The following CSMD1 variants were observed in gnomAD, a reference collection of about 807,000 sequenced individuals.
The protein encoded by CSMD1 is CUB and Sushi multiple domains 1, also known as CUB and sushi domain-containing protein 1.
Under a neutral mutation model 417.5 loss-of-function variants are expected in CSMD1, and 213 were observed. The observed-to-expected ratio is 0.51, with a 90% CI of 0.46 to 0.57. The LOEUF is 0.57. Among genes scored for constraint, CSMD1 ranks in the 20% least tolerant of loss-of-function variants. The pLI, the probability that CSMD1 is intolerant of heterozygous loss-of-function variation, is 0.00. For synonymous variants in CSMD1, 2,862 were observed against 1,736.8 expected (o/e 1.65, Z -16.11); for missense variants, 6,923 against 4,529.7 (o/e 1.53, Z -15.17).
intron 5 of CSMD1, among the ~76,000 whole-genome samples, chr8:3,981,500 T>TAAAAAAAAAAAAAA (rs200296436): frequency 4.3e-3 from 497 of 114,870 alleles, no homozygotes; most frequent in Middle Eastern, 0.013. Context: ...TAGAAAAAAG[T>TAAAAAAAAAAAAAA]AAAAAAAAAA....
rs1487242439 is a variant in CSMD1, at chr8:3,493,614, C to T, written c.1448+9G>A. On this transcript the variant is annotated intron_variant, in intron 11 of 69. Coordinates refer to ENST00000635120, the MANE Select transcript of CSMD1 (RefSeq NM_033225.6). ...CATAAGAGAAGAAGAAGCTCAAGGA[C>T]ATACTCACACGTACAAGACCGATCT... 2.5e-6 allele frequency: 4 copies of T among 1,600,698 alleles called. No individual in the cohort carries two copies. In the South Asian group the frequency reaches 3.4e-5, roughly 14 times the overall value.
chr8:3,781,598 C>G (rs1470882754), intron 5 of CSMD1, among the ~76,000 whole-genome samples: 3 of 152,140 alleles, frequency 2.0e-5, no homozygotes, highest in African/African-American at 7.2e-5. Flanking sequence ...TGTACTCTGT[C>G]CCACAGTCTC....
At chr8:4,138,023 G>A (rs972827618) in intron 3 of CSMD1, among the ~76,000 whole-genome samples, 5 of 139,846 alleles carry the variant, frequency 3.6e-5, no homozygotes, top group East Asian at 2.1e-4. Flanking sequence ...GACTAGAGGC[G>A]CCCGCCACCA....
chr8:3,868,125 T>G (rs967968396), intron 5 of CSMD1, among the ~76,000 whole-genome samples: 6 of 152,088 alleles, frequency 3.9e-5, no homozygotes, highest in Admixed American at 3.9e-4. Flanking sequence ...ATCCTAGCAC[T>G]TTCTGCTTGG....
At chr8:3,920,568 GA>G (rs1420097992) in intron 5 of CSMD1, among the ~76,000 whole-genome samples, 1 of 152,098 alleles carries the variant, frequency 6.6e-6, no homozygotes, top group Non-Finnish European at 1.5e-5. Flanking sequence ...AATTTAAAGA[GA>G]AATGCTTTCA....
chr8:3,337,294 T>G (rs1393404132), intron 23 of CSMD1, among the ~76,000 whole-genome samples: 4 of 152,230 alleles, frequency 2.6e-5, no homozygotes, highest in Admixed American at 2.0e-4. Context: ...TTGCTTTTAT[T>G]ATTCATCACT....
At chr8:3,528,753 CTA>C in intron 10 of CSMD1, among the ~76,000 whole-genome samples, 1 of 152,156 alleles carries the variant, frequency 6.6e-6, no homozygotes, top group East Asian at 1.9e-4. Flanking sequence ...ATTGCTGAGA[CTA>C]TTAATTTCCT....
chr8:4,691,640 T>C (rs924927628), intron 1 of CSMD1, among the ~76,000 whole-genome samples: 1 of 152,216 alleles, frequency 6.6e-6, no homozygotes, highest in Non-Finnish European at 1.5e-5. Context: ...TCTATGCCTG[T>C]CATGTCTGCC....
intron 2 of CSMD1, among the ~76,000 whole-genome samples, chr8:4,456,922 G>C (rs1236065368): frequency 1.4e-5 from 2 of 147,258 alleles, no homozygotes; most frequent in African/African-American, 2.5e-5. Context: ...CCCACCAACT[G>C]TTTATCCTGA....
chr8:3,379,057 T>C (rs1445136557), intron 18 of CSMD1, among the ~76,000 whole-genome samples: 1 of 152,220 alleles, frequency 6.6e-6, no homozygotes, highest in Non-Finnish European at 1.5e-5. Flanking sequence ...TGTCTCAGGA[T>C]ACAATATCAA....
At chr8:3,978,409 A>T (rs1000187343) in intron 5 of CSMD1, among the ~76,000 whole-genome samples, 1 of 152,062 alleles carries the variant, frequency 6.6e-6, no homozygotes, top group African/African-American at 2.4e-5. Context: ...TCTTCCACTC[A>T]TATTTTTTTT....
At chr8:3,076,581 C>T (rs529128372) in intron 49 of CSMD1, among the ~76,000 whole-genome samples, 51 of 152,206 alleles carry the variant, frequency 3.4e-4, no homozygotes, top group Non-Finnish European at 5.1e-4. Context: ...GCTCCGATTG[C>T]TGGAAGATAT....
chr8:3,109,685 C>G (rs1191739246), intron 43 of CSMD1, among the ~76,000 whole-genome samples: 1 of 152,092 alleles, frequency 6.6e-6, no homozygotes, highest in Non-Finnish European at 1.5e-5. Context: ...GCCCTGGCTG[C>G]TGGCTTCTGC....
chr8:3,748,876 A>T (rs717429), intron 6 of CSMD1, among the ~76,000 whole-genome samples: 23,430 of 152,244 alleles, frequency 0.15, 1,812 homozygotes, highest in Middle Eastern at 0.18. Context: ...CTTTATCGCC[A>T]CTGTCAGGGT....
chr8:3,052,721 T>G (rs1811941033), intron 49 of CSMD1, 74 bp from the exon 50 acceptor site: 1 of 1,028,122 alleles, frequency 9.7e-7, no homozygotes, highest in South Asian at 2.0e-5. Flanking sequence ...CATTGATTGA[T>G]TAATCATTAT....
chr8:3,204,065 G>A (rs150471860), intron 31 of CSMD1, among the ~76,000 whole-genome samples: 3 of 152,118 alleles, frequency 2.0e-5, no homozygotes, highest in African/African-American at 4.8e-5. Context: ...GTAACGAATG[G>A]GGGAAGAAAG....
intron 7 of CSMD1, among the ~76,000 whole-genome samples, chr8:3,687,265 C>G (rs1231921408): frequency 2.0e-5 from 3 of 152,156 alleles, no homozygotes; most frequent in Non-Finnish European, 4.4e-5. Flanking sequence ...TTAGCATTTC[C>G]AGGACCAAAA....
In CSMD1 at chr8:4,674,728, G is replaced by A. The variant is rs1805565836; in HGVS notation, c.86-37170C>T. Reference sequence around the variant, plus strand: ...GAAGAGAGTAGTGCAAATACATATAGAAGAAAATGCAAGGTTTCCTGGCCT... The same window carrying A: ...GAAGAGAGTAGTGCAAATACATATAAAAGAAAATGCAAGGTTTCCTGGCCT... On this transcript the variant is annotated intron_variant, in intron 1 of 69. Transcript: ENST00000635120. Among the ~76,000 whole-genome samples, 3 of 152,110 alleles carry A rather than the reference G, an allele frequency of 2.0e-5. 1 individual carries two copies. Among genetic ancestry groups the A allele is most frequent in the African/African-American group, 7.2e-5 (3 of 41,422 alleles).
intron 1 of CSMD1, among the ~76,000 whole-genome samples, chr8:4,815,587 T>G (rs1193507472): frequency 6.6e-6 from 1 of 150,808 alleles, no homozygotes; most frequent in Admixed American, 6.6e-5. Context: ...TCCCAGCTAT[T>G]TGGGAGGCTG....
Sources: allele counts gnomAD v4.1 joint callset (sites outside exome capture counted in the v4.1 genomes callset), GRCh38; gene constraint gnomAD v4.1.1; transcripts MANE v1.5; gene names NCBI Gene and HGNC (gene_info 2026-07-23, HGNC 2026-07-21).